Variants in ZNF606 observed in about 807,000 individuals in gnomAD.
ZNF606 encodes the protein zinc finger protein 328.
In ZNF606, 37 loss-of-function variants were observed where a neutral mutation model predicts 74.9. The observed-to-expected ratio is 0.49, with a 90% confidence interval of 0.38 to 0.65. The LOEUF (loss-of-function observed/expected upper bound fraction) is 0.65, where lower values mean the gene tolerates loss of function less well. ZNF606 is among the 30% of genes least tolerant of loss of function. ZNF606 has a pLI of 0.00. For missense variants in ZNF606, 852 were observed against 952.9 expected, an observed-to-expected ratio of 0.89 and a Z score of 1.39; for synonymous variants, 328 against 312.4, an observed-to-expected ratio of 1.05 and a Z score of -0.53.
intron 4 of ZNF606, among the ~76,000 whole-genome samples, chr19:57,991,635 C>T (rs546836511): frequency 1.1e-3 from 167 of 152,160 alleles, no homozygotes; most frequent in African/African-American, 3.7e-3. Context: ...CAAAAATTAG[C>T]TGGGCATGGT....
intron 4 of ZNF606, chr19:57,997,614 T>C (rs1449020055): frequency 3.9e-5 from 6 of 152,188 alleles, no homozygotes; most frequent in African/African-American, 1.4e-4. Flanking sequence ...TTGGAGGGTG[T>C]TGTTATTTTT....
At chr19:57,992,045 A>G (rs2073269391) in intron 4 of ZNF606, among the ~76,000 whole-genome samples, 1 of 152,166 alleles carries the variant, frequency 6.6e-6, no homozygotes. Flanking sequence ...CTGGTAGACT[A>G]AGCCACAAAT....
chr19:57,999,545 C>T, intron 4 of ZNF606: 1 of 503,384 alleles, frequency 2.0e-6, no homozygotes, highest in Non-Finnish European at 3.5e-6. Context: ...AGTGGGGCTG[C>T]CAGCCAAAAG....
At chr19:57,982,154 T>C (rs868300932) in intron 6 of ZNF606, among the ~76,000 whole-genome samples, 2 of 152,166 alleles carry the variant, frequency 1.3e-5, no homozygotes, top group East Asian at 1.9e-4. Context: ...AATGGAGTTA[T>C]TGGCCGGGTT....
intron 4 of ZNF606, chr19:57,998,599 T>A (rs2073371863): frequency 6.6e-6 from 1 of 152,138 alleles, no homozygotes; most frequent in Non-Finnish European, 1.5e-5. Flanking sequence ...AGGATTTCTT[T>A]TTAGGGTGAT....
Position 57,999,801 on chromosome 19 carries a change from A to G in ZNF606, c.177+7T>C. The G allele has an allele frequency of 6.2e-7, 1 of 1,613,868 alleles. No individual in the cohort carries two copies. Among genetic ancestry groups the G allele is most frequent in the African/African-American group, 1.3e-5 (1 of 75,044 alleles). On this transcript the variant is annotated splice_region_variant and intron_variant, in intron 4 of 6. Coordinates refer to ENST00000551380, the MANE Select transcript of ZNF606 (RefSeq NM_001348022.3). ...CATCCTCTGGGAACAGGACAGCCCCATCTCACCTGAACCTGGGCTGCTGGG... is the reference window on the plus strand; with the variant it reads ...CATCCTCTGGGAACAGGACAGCCCCGTCTCACCTGAACCTGGGCTGCTGGG...
chr19:58,002,731 C>T lies in ZNF606; in HGVS notation c.-387G>A, dbSNP rs758867766. 1 of 454,112 alleles carries T rather than the reference C, an allele frequency of 2.2e-6. No homozygotes were observed. The highest frequency in any genetic ancestry group is 2.0e-5 in the African/African-American group (1 of 49,614). The allele number at this position is 454,112 out of a possible 1,614,324, so 28.1% of individuals were successfully genotyped here. On this transcript the variant is annotated 5_prime_UTR_variant, in exon 1 of 7. Transcript: ENST00000551380. Reference sequence around the variant, plus strand: ...CTCTCCCAGCCGGCTCTCCTGACCCCCCAAGCCCCGCAGCTACGGCGGCCC... The same window carrying T: ...CTCTCCCAGCCGGCTCTCCTGACCCTCCAAGCCCCGCAGCTACGGCGGCCC...
rs770132151 is a variant in ZNF606 at position 57,979,860 on chromosome 19, T to C, written c.820A>G (p.Ile274Val). 19 of 1,613,758 alleles carry C rather than the reference T, an allele frequency of 1.2e-5. No individual in the cohort carries two copies. Among genetic ancestry groups the C allele is most frequent in the Non-Finnish European group, 1.4e-5 (17 of 1,180,022 alleles). Residue 274 changes from isoleucine to valine, a missense_variant, in exon 7 of 7, where the codon ATT becomes GTT. Ile to Val is a conservative substitution (Grantham distance 29). This residue lies in a region of ZNF606 where 545 missense variants were observed against 542.5 expected (regional missense o/e 1.00). Coordinates refer to ENST00000551380, the MANE Select transcript of ZNF606 (RefSeq NM_001348022.3). ...ATTCTTGCAGGGTAAATAGGTTGAA[T>C]GGACTGATAAACAGTTTTGTCATAA... ...NDYDKTVYQS[I>V]QPIYPARIQT...
Position 58,002,647 on chromosome 19 carries a change from G to C in ZNF606, c.-303C>G, listed in dbSNP as rs1467401783. The C allele has an allele frequency of 2.2e-6, 1 of 453,390 alleles. No individual in the cohort carries two copies. The highest frequency in any genetic ancestry group is 4.4e-6 in the Non-Finnish European group (1 of 225,618). 28.1% of individuals were successfully genotyped at this position (453,390 alleles called of 1,614,324 possible). On this transcript the variant is annotated 5_prime_UTR_variant, in exon 1 of 7. Coordinates refer to ENST00000551380, the MANE Select transcript of ZNF606 (RefSeq NM_001348022.3). The stretch of plus-strand genomic sequence containing the variant: ...CAGGCTGCTGGCTGGAGAACCGACG[G>C]CAACGACGGCGCAAAGCCGGCGCGG...
chr19:57,979,601 A>G lies in ZNF606; in HGVS notation c.1079T>C (p.Met360Thr). ...YENIFYFSSF[M>T]EHQKIGTVEK... ...TACAGTACCAATTTTTTGATGTTCCATAAAGGATGAGAAATAAAAGATATT... is the reference window on the plus strand; with the variant it reads ...TACAGTACCAATTTTTTGATGTTCCGTAAAGGATGAGAAATAAAAGATATT... Residue 360 changes from methionine to threonine, a missense_variant, in exon 7 of 7, where the codon ATG becomes ACG. By Grantham distance (81) the Met-to-Thr change is moderately conservative. Coordinates refer to ENST00000551380, the MANE Select transcript of ZNF606 (RefSeq NM_001348022.3). 1 of 1,613,422 alleles carries G rather than the reference A, an allele frequency of 6.2e-7. No individual in the cohort carries two copies. Among genetic ancestry groups the G allele is most frequent in the Non-Finnish European group, 8.5e-7 (1 of 1,179,934 alleles).
At position 57,979,400 on chromosome 19, in the gene ZNF606, G is replaced by A; in HGVS notation, c.1280C>T (p.Pro427Leu). ...QHKKTHTGEK[P>L]YECDKCGKVF... is the part of the protein sequence containing the mutation. The stretch of plus-strand genomic sequence containing the variant: ...TTTTCCACATTTATCACATTCATAG[G>A]GTTTTTCTCCAGTATGAGTTTTCTT... Residue 427 changes from proline (P) to leucine (L), a missense_variant, in exon 7 of 7, where the codon CCC (proline) becomes CTC (leucine). This residue lies in a region of ZNF606 where 545 missense variants were observed against 542.5 expected (regional missense o/e 1.00). Coordinates refer to ENST00000551380, the MANE Select transcript of ZNF606 (RefSeq NM_001348022.3). The A allele has an allele frequency of 3.1e-6, 5 of 1,613,624 alleles. No homozygotes were observed. Among genetic ancestry groups the A allele is most frequent in the Non-Finnish European group, 4.2e-6 (5 of 1,179,868 alleles).
At chr19:57,999,744 T>A (rs748608365) in intron 4 of ZNF606, 64 bp downstream of exon 4, 1 of 1,514,764 alleles carries the variant, frequency 6.6e-7, no homozygotes, top group Non-Finnish European at 9.2e-7. Context: ...GAGAGCCGCA[T>A]CAACTGGGAT....
At chr19:57,992,519 A>T (rs997679619) in intron 4 of ZNF606, among the ~76,000 whole-genome samples, 1 of 152,258 alleles carries the variant, frequency 6.6e-6, no homozygotes, top group African/African-American at 2.4e-5. Context: ...TTTCTTCAGC[A>T]TATGAAGCAT....
intron 3 of ZNF606, chr19:58,000,359 C>T: frequency 1.9e-6 from 1 of 539,382 alleles, no homozygotes; most frequent in Non-Finnish European, 3.3e-6. Context: ...GCAGCTGGGA[C>T]TACAGGCGCC....
At chr19:57,986,352 T>G (rs1383966658) in intron 6 of ZNF606, among the ~76,000 whole-genome samples, 6 of 151,966 alleles carry the variant, frequency 3.9e-5, no homozygotes, top group African/African-American at 1.4e-4. Flanking sequence ...CTCAGGAGGC[T>G]GAGATGGGAG....
At chr19:58,001,267 G>A in intron 2 of ZNF606, 22 bp downstream of exon 2, 1 of 1,613,954 alleles carries the variant, frequency 6.2e-7, no homozygotes, top group Non-Finnish European at 8.5e-7. Context: ...GGAGGCCCAG[G>A]AGAAACACAA....
chr19:57,998,422 G>C (rs1030147079), intron 4 of ZNF606: 1 of 152,104 alleles, frequency 6.6e-6, no homozygotes, highest in South Asian at 2.1e-4. Context: ...GGTAACTCTT[G>C]AGAAGGCAAA....
chr19:57,983,873 G>GA lies in ZNF606; in HGVS notation c.401-3595dup, dbSNP rs1223655238. Among the ~76,000 whole-genome samples, 3 of 152,140 alleles carry GA rather than the reference G, an allele frequency of 2.0e-5. No individual in the cohort carries two copies. The South Asian group carries it at 6.2e-4, about 32-fold the overall frequency. ...TATTCAGGAAATGAGAGAAACAATA[G>GA]AAAAAATAGAAGGTTTTGAAATCCA... On this transcript the variant is annotated intron_variant, in intron 6 of 6. Coordinates refer to ENST00000551380, the MANE Select transcript of ZNF606 (RefSeq NM_001348022.3).
intron 1 of ZNF606, 24 bp from the exon 2 acceptor site, chr19:58,001,394 CAAAACTA>C: frequency 1.9e-6 from 3 of 1,580,872 alleles, no homozygotes; most frequent in Non-Finnish European, 2.6e-6. Flanking sequence ...TGAAAAAAGA[CAAAACTA>C]GTCCTTTCTC....
Sources: allele counts gnomAD v4.1 joint callset (sites outside exome capture counted in the v4.1 genomes callset), GRCh38; gene constraint gnomAD v4.1.1; regional missense constraint gnomAD v4.1.1; transcripts MANE v1.5; gene names NCBI Gene and HGNC (gene_info 2026-07-23, HGNC 2026-07-21).